LPCAT1: variants seen among roughly 807,000 people sequenced by gnomAD.
LPCAT1 encodes lysophosphatidylcholine acyltransferase 1.
In LPCAT1, 23 loss-of-function variants were observed where a neutral mutation model predicts 60.9. The observed-to-expected ratio is 0.38, with a 90% CI of 0.27 to 0.53. The LOEUF (loss-of-function observed/expected upper bound fraction) is 0.53, where lower values mean the gene tolerates loss of function less well. Among genes scored for constraint, LPCAT1 ranks in the 20% least tolerant of loss-of-function variants. The probability of loss-of-function intolerance (pLI) is 0.82; values close to 1 mark genes in which losing one functional copy is unlikely to be tolerated. For synonymous variants in LPCAT1, 340 were observed against 301.1 expected (o/e 1.13, Z -1.34); for missense variants, 622 against 723.6 (o/e 0.86, Z 1.61).
At chr5:1,515,069 C>G (rs1736464795) in intron 1 of LPCAT1, among the ~76,000 whole-genome samples, 1 of 152,178 alleles carries the variant, frequency 6.6e-6, no homozygotes, top group Non-Finnish European at 1.5e-5. Context: ...GAGCCCCACC[C>G]CCAGCACATC....
intron 1 of LPCAT1, among the ~76,000 whole-genome samples, chr5:1,505,787 C>T (rs946343719): frequency 2.9e-4 from 44 of 152,362 alleles, no homozygotes; most frequent in African/African-American, 9.1e-4. Context: ...TCACCTCACA[C>T]GTCCATGCAT....
At chr5:1,508,371 G>C (rs920006627) in intron 1 of LPCAT1, among the ~76,000 whole-genome samples, 3 of 152,200 alleles carry the variant, frequency 2.0e-5, no homozygotes. Flanking sequence ...GACTGTATTT[G>C]GAGAAGGGGC....
intron 1 of LPCAT1, among the ~76,000 whole-genome samples, chr5:1,509,557 C>T (rs1172500331): frequency 6.6e-6 from 1 of 152,348 alleles, no homozygotes; most frequent in East Asian, 1.9e-4. Flanking sequence ...ACACCACCAG[C>T]CCGCCCTCGG....
Position 1,522,098 on chromosome 5 carries a change from T to C in LPCAT1, c.135+1612A>G, listed in dbSNP as rs565285825. Among the ~76,000 whole-genome samples the C allele has an allele frequency of 1.3e-5, 2 of 152,110 alleles. No homozygotes were observed. The highest frequency in any genetic ancestry group is 3.4e-3 in the Middle Eastern group (1 of 294). On this transcript the variant is annotated intron_variant, in intron 1 of 13. Transcript: ENST00000283415. This position sits in a 1 kb window ranked among gnomAD's most constrained non-coding sequence, Gnocchi z 6.8. ...AGAGAGAGCATGCCTGAGGCAGCCA[T>C]AGCTGGGGCAGGAGCAGGGCTGGGG...
At chr5:1,465,196 CAG>C (rs776378567) in intron 13 of LPCAT1, among the ~76,000 whole-genome samples, 3 of 148,050 alleles carry the variant, frequency 2.0e-5, no homozygotes, top group South Asian at 2.1e-4. Flanking sequence ...CACGCGCACA[CAG>C]TAACTAAACA....
chr5:1,497,671 G>A (rs1735844210), intron 2 of LPCAT1, among the ~76,000 whole-genome samples: 1 of 152,256 alleles, frequency 6.6e-6, no homozygotes, highest in African/African-American at 2.4e-5. Flanking sequence ...GCCCCAGGCT[G>A]AGACGCAGGT....
At chr5:1,512,627 C>T (rs57704006) in intron 1 of LPCAT1, among the ~76,000 whole-genome samples, 37,022 of 152,180 alleles carry the variant, frequency 0.24, 4,800 homozygotes, top group Middle Eastern at 0.36. Flanking sequence ...CTGACTCCCT[C>T]GGGCCCCCTG....
chr5:1,496,828 A>C lies in LPCAT1; in HGVS notation c.279-1914T>G, dbSNP rs1735811658. Among the ~76,000 whole-genome samples the C allele has an allele frequency of 6.6e-6, 1 of 152,104 alleles. No individual in the cohort carries two copies. Among genetic ancestry groups the C allele is most frequent in the Non-Finnish European group, 1.5e-5 (1 of 68,012 alleles). On this transcript the variant is annotated intron_variant, in intron 2 of 13. Coordinates refer to ENST00000283415, the MANE Select transcript of LPCAT1 (RefSeq NM_024830.5). This position sits in a 1 kb window ranked among gnomAD's most constrained non-coding sequence, Gnocchi z 4.7. ...AGCTCCGCTTGCTGTGGGGTTGGGG[A>C]CCCAGCACCCACTCACCCCAAGGCA...
intron 5 of LPCAT1, among the ~76,000 whole-genome samples, chr5:1,484,007 G>T (rs1735275512): frequency 6.6e-6 from 1 of 152,262 alleles, no homozygotes; most frequent in South Asian, 2.1e-4. Context: ...CACCTGACGG[G>T]GTTAGGGTCT....
rs1192484042 is a variant in LPCAT1, at chr5:1,487,776, C to A, written c.667+615G>T. 1.3e-5 allele frequency among the ~76,000 whole-genome samples: 2 copies of A among 152,126 alleles called. No individual in the cohort carries two copies. Among genetic ancestry groups the A allele is most frequent in the African/African-American group, 4.8e-5 (2 of 41,408 alleles). On this transcript the variant is annotated intron_variant, in intron 5 of 13. Transcript: ENST00000283415. The surrounding 1 kb of genome is among the most constrained non-coding windows in gnomAD (Gnocchi z 6.1). ...CAGGATCCAGGTGGACCCTCTGACA[C>A]GCCCAAGGGTGTGCAGAATTCCAAA...
chr5:1,464,586 AAC>A (rs1181807705), intron 13 of LPCAT1, among the ~76,000 whole-genome samples: 52 of 152,018 alleles, frequency 3.4e-4, no homozygotes, highest in African/African-American at 1.2e-3. Context: ...ACGGTAACCA[AAC>A]ACACATGTGC....
At chr5:1,508,231 C>T (rs1736245689) in intron 1 of LPCAT1, among the ~76,000 whole-genome samples, 1 of 152,224 alleles carries the variant, frequency 6.6e-6, no homozygotes, top group Non-Finnish European at 1.5e-5. Flanking sequence ...TGGCCACACA[C>T]CGTCATTCTC....
chr5:1,513,213 T>A (rs771801747), intron 1 of LPCAT1, among the ~76,000 whole-genome samples: 8 of 152,172 alleles, frequency 5.3e-5, no homozygotes, highest in Non-Finnish European at 1.0e-4. Context: ...ACAGTCCTCA[T>A]GCCTCCTCAC....
chr5:1,488,349 T>C (rs767870265), intron 5 of LPCAT1, 42 bp downstream of exon 5: 1 of 1,316,224 alleles, frequency 7.6e-7, no homozygotes, highest in South Asian at 1.3e-5. Context: ...AATATTTTCC[T>C]TTTCTCTAGG....
At chr5:1,470,724 T>C in intron 12 of LPCAT1, 102 bp downstream of exon 12, 1 of 817,564 alleles carries the variant, frequency 1.2e-6, no homozygotes, top group Non-Finnish European at 1.9e-6. Flanking sequence ...GGGCAAATGA[T>C]CAATTAACTG....
chr5:1,492,778 G>C (rs1239420061), intron 3 of LPCAT1, among the ~76,000 whole-genome samples: 1 of 152,162 alleles, frequency 6.6e-6, no homozygotes, highest in Non-Finnish European at 1.5e-5. Flanking sequence ...ACTCCTTCGT[G>C]TTGGTGATCT....
In LPCAT1 at chr5:1,522,677, T is replaced by C. The variant is rs1579823480; in HGVS notation, c.135+1033A>G. ...GGGTTCTTTCAGATAAAGTACTTTA[T>C]GCATTAACAAATCTCCATCTTCCCG... is the stretch of plus-strand genomic sequence containing the variant. On this transcript the variant is annotated intron_variant, in intron 1 of 13. Coordinates refer to ENST00000283415, the MANE Select transcript of LPCAT1 (RefSeq NM_024830.5). This position sits in a 1 kb window ranked among gnomAD's most constrained non-coding sequence, Gnocchi z 6.8. 6.6e-6 allele frequency among the ~76,000 whole-genome samples: 1 copy of C among 152,222 alleles called. No homozygotes were observed. Among genetic ancestry groups the C allele is most frequent in the Non-Finnish European group, 1.5e-5 (1 of 68,030 alleles).
intron 1 of LPCAT1, among the ~76,000 whole-genome samples, chr5:1,514,674 C>T (rs1736452035): frequency 6.6e-6 from 1 of 152,214 alleles, no homozygotes; most frequent in East Asian, 1.9e-4. Context: ...TGTTGGTGTC[C>T]GAGGACCTCA....
intron 1 of LPCAT1, among the ~76,000 whole-genome samples, chr5:1,506,898 C>T (rs1337534656): frequency 6.6e-6 from 1 of 152,220 alleles, no homozygotes; most frequent in East Asian, 1.9e-4. Flanking sequence ...CTTTTCTCCT[C>T]ACCCAAGCAA....
Sources: gnomAD v4.1 joint callset for allele counts (sites outside exome capture counted in the v4.1 genomes callset) on GRCh38, gnomAD v4.1.1 for gene constraint, Gnocchi (gnomAD v3.1) non-coding constraint, MANE v1.5 for transcripts, NCBI Gene and HGNC (gene_info 2026-07-23, HGNC 2026-07-21) for gene names.